Variants in KALRN observed in about 807,000 individuals in gnomAD.
The protein encoded by KALRN is kalirin.
In KALRN, 70 loss-of-function variants were observed where a neutral mutation model predicts 353.7. The ratio of observed to expected loss-of-function variants is 0.20; its 90% CI spans 0.16 to 0.24. The LOEUF (loss-of-function observed/expected upper bound fraction) is 0.24, where lower values mean the gene tolerates loss of function less well. Ranked by LOEUF, KALRN falls within the 10% of genes least tolerant of loss-of-function variation. The probability of loss-of-function intolerance (pLI) is 1.00; values close to 1 mark genes in which losing one functional copy is unlikely to be tolerated. For synonymous variants in KALRN, 1,391 were observed against 1,434.8 expected (o/e 0.97, Z 0.69); for missense variants, 2,791 against 3,756.7 (o/e 0.74, Z 6.72).
chr3:124,293,395 A>T (rs2076581738), intron 5 of KALRN, among the ~76,000 whole-genome samples: 1 of 152,242 alleles, frequency 6.6e-6, no homozygotes, highest in South Asian at 2.1e-4. Context: ...AAGATTCTTA[A>T]TATACTTGTC....
chr3:124,413,372 G>C, intron 13 of KALRN, 98 bp from the exon 14 acceptor site: 2 of 946,340 alleles, frequency 2.1e-6, no homozygotes, highest in South Asian at 3.4e-5. Context: ...CTTAACTGAG[G>C]GGTGGATTCA....
At chr3:124,681,630 T>TTTC in intron 51 of KALRN, among the ~76,000 whole-genome samples, 1 of 36,572 alleles carries the variant, frequency 2.7e-5, no homozygotes, top group East Asian at 1.9e-3. Context: ...AGTGATTGTC[T>TTTC]TTTTTTTTTT....
Position 124,723,109 on chromosome 3 carries a change from G to T in KALRN, c.*3639G>T, listed in dbSNP as rs1487627620. On this transcript the variant is annotated 3_prime_UTR_variant, in exon 60 of 60. Transcript: ENST00000682506. ...TCTCAGCCATAAACAATGTAAGGGG[G>T]AGTAGAGGAAGCAGAGGAGAAAGCT... is the stretch of plus-strand genomic sequence containing the variant. The T allele has an allele frequency of 6.6e-6, 1 of 152,198 alleles. No individual in the cohort carries two copies. The allele number at this position is 152,198 out of a possible 1,614,324, so 9.4% of individuals were successfully genotyped here. A position where few individuals can be genotyped will look rare whatever the true frequency, so the allele number is the denominator to read the frequency against.
chr3:124,204,987 G>T (rs1304191333), intron 1 of KALRN, among the ~76,000 whole-genome samples: 2 of 152,116 alleles, frequency 1.3e-5, no homozygotes, highest in African/African-American at 4.8e-5. Context: ...TGTAACATTT[G>T]CTTTTACTGT....
chr3:124,597,341 A>G (rs927125741), intron 34 of KALRN, among the ~76,000 whole-genome samples: 3 of 147,784 alleles, frequency 2.0e-5, no homozygotes, highest in East Asian at 1.9e-4. Context: ...CAAAAAGGGG[A>G]AAAAAAGAAA....
chr3:124,335,883 A>G (rs531237645), intron 9 of KALRN, among the ~76,000 whole-genome samples: 13 of 152,334 alleles, frequency 8.5e-5, no homozygotes, highest in African/African-American at 3.1e-4. Context: ...AATCCATTGT[A>G]TATTTCCAGT....
intron 34 of KALRN, among the ~76,000 whole-genome samples, chr3:124,605,571 TA>T (rs61234632): frequency 0.49 from 68,235 of 138,076 alleles, 16,526 homozygotes; most frequent in Middle Eastern, 0.54. Context: ...GGACTCCATC[TA>T]AAAAAAAAAA....
chr3:124,154,066 G>T (rs958850066), intron 1 of KALRN, among the ~76,000 whole-genome samples: 7 of 152,114 alleles, frequency 4.6e-5, no homozygotes, highest in Non-Finnish European at 1.0e-4. Flanking sequence ...TCATTTTGTA[G>T]GTTGCCTGTT....
At chr3:124,399,313 T>C (rs909471543) in intron 13 of KALRN, among the ~76,000 whole-genome samples, 1 of 152,150 alleles carries the variant, frequency 6.6e-6, no homozygotes, top group Non-Finnish European at 1.5e-5. Context: ...TAATTTTGTA[T>C]TTTTAGTAGA....
chr3:124,604,382 T>G (rs2077111528), intron 34 of KALRN, among the ~76,000 whole-genome samples: 1 of 152,164 alleles, frequency 6.6e-6, no homozygotes, highest in Non-Finnish European at 1.5e-5. Flanking sequence ...AGAGCCACTC[T>G]TGGTGCTGCT....
chr3:124,670,254 G>A (rs112798538), intron 47 of KALRN, among the ~76,000 whole-genome samples: 1,867 of 152,332 alleles, frequency 0.012, 41 homozygotes, highest in African/African-American at 0.042. Flanking sequence ...AAAGTGCTGG[G>A]ATTACAGGCA....
chr3:124,697,557 A>G (rs1283994528), intron 54 of KALRN, 36 bp from the exon 55 acceptor site: 2 of 1,544,580 alleles, frequency 1.3e-6, no homozygotes, highest in Admixed American at 4.3e-5. Context: ...CAAGTTCTGC[A>G]GAAATAGCAC....
intron 25 of KALRN, among the ~76,000 whole-genome samples, chr3:124,469,172 A>T (rs1010564769): frequency 5.9e-5 from 9 of 152,266 alleles, no homozygotes; most frequent in African/African-American, 2.2e-4. Flanking sequence ...AGACAAAGTT[A>T]GAAGATATTG....
intron 5 of KALRN, among the ~76,000 whole-genome samples, chr3:124,271,404 A>G (rs2074152822): frequency 6.6e-6 from 1 of 152,238 alleles, no homozygotes; most frequent in Non-Finnish European, 1.5e-5. Flanking sequence ...TAGCTCCAGA[A>G]GTTCCCAGGT....
At chr3:124,163,685 C>T in intron 1 of KALRN, 1 of 985,060 alleles carries the variant, frequency 1.0e-6, no homozygotes, top group South Asian at 4.7e-5. Context: ...AATATTACAA[C>T]AGGACACTGA....
At position 124,189,568 on chromosome 3, in the gene KALRN, C is replaced by A. The variant is rs183985428; in HGVS notation, c.74-38422C>A. ...CTGTAATCCTAGCACTTTGGGAAGC[C>A]GAGGCGGGTGGATCACCTGAGGTCA... On this transcript the variant is annotated intron_variant, in intron 1 of 59. Coordinates refer to ENST00000682506, the MANE Select transcript of KALRN (RefSeq NM_001388419.1). 1.0e-3 allele frequency among the ~76,000 whole-genome samples: 156 copies of A among 152,166 alleles called. 1 individual carries two copies. Among genetic ancestry groups the A allele is most frequent in the African/African-American group, 3.7e-3 (152 of 41,520 alleles).
At chr3:124,565,440 T>G (rs768523796) in intron 34 of KALRN, among the ~76,000 whole-genome samples, 4 of 152,128 alleles carry the variant, frequency 2.6e-5, no homozygotes, top group Non-Finnish European at 4.4e-5. Context: ...AATGAGGTAA[T>G]GGAGACAAAA....
At chr3:124,198,473 G>T (rs1299594060) in intron 1 of KALRN, among the ~76,000 whole-genome samples, 2 of 152,204 alleles carry the variant, frequency 1.3e-5, no homozygotes, top group Admixed American at 1.3e-4. Context: ...GGCTTCTGAG[G>T]TGGGAGGGCT....
At chr3:124,184,398 C>G (rs1390622331) in intron 1 of KALRN, among the ~76,000 whole-genome samples, 1 of 152,126 alleles carries the variant, frequency 6.6e-6, no homozygotes. Flanking sequence ...TTATGTCATT[C>G]CTTTGGGTTA....
Sources: gnomAD v4.1 joint callset for allele counts (sites outside exome capture counted in the v4.1 genomes callset) on GRCh38, gnomAD v4.1.1 for gene constraint, MANE v1.5 for transcripts, NCBI Gene and HGNC (gene_info 2026-07-23, HGNC 2026-07-21) for gene names.